The following RBMS3 variants were observed in gnomAD, a reference collection of about 807,000 sequenced individuals.
RBMS3 encodes RNA-binding motif, single-stranded-interacting protein 3.
A neutral mutation model predicts 66.8 loss-of-function variants in RBMS3; 27 were observed. That is an observed-to-expected ratio of 0.40 (90% CI 0.30 to 0.56). The LOEUF is 0.56. Ranked by LOEUF, RBMS3 falls within the 20% of genes least tolerant of loss-of-function variation. RBMS3 has a pLI of 0.40. For synonymous variants in RBMS3, 188 were observed against 183.0 expected, an observed-to-expected ratio of 1.03 and a Z score of -0.22; for missense variants, 513 against 549.5, an observed-to-expected ratio of 0.93 and a Z score of 0.66.
chr3:29,914,839 A>T (rs2060599302), intron 10 of RBMS3, among the ~76,000 whole-genome samples: 1 of 151,986 alleles, frequency 6.6e-6, no homozygotes, highest in South Asian at 2.1e-4. Flanking sequence ...ATCCATGAAA[A>T]GCTGTTTCAT....
intron 1 of RBMS3, among the ~76,000 whole-genome samples, chr3:29,433,174 A>G (rs1261272545): frequency 6.6e-6 from 1 of 151,856 alleles, no homozygotes; most frequent in East Asian, 1.9e-4. Flanking sequence ...CTCAGATTAT[A>G]TTATTCCTTA....
At chr3:29,550,475 G>A (rs1045625289) in intron 3 of RBMS3, among the ~76,000 whole-genome samples, 3 of 152,044 alleles carry the variant, frequency 2.0e-5, no homozygotes, top group Non-Finnish European at 2.9e-5. Flanking sequence ...AAATGATTTA[G>A]TGTAATAATA....
chr3:29,816,398 G>T (rs1239102832), intron 6 of RBMS3, among the ~76,000 whole-genome samples: 1 of 151,900 alleles, frequency 6.6e-6, no homozygotes, highest in African/African-American at 2.4e-5. Flanking sequence ...CTACATGCAG[G>T]TGAGCTGGGA....
intron 1 of RBMS3, among the ~76,000 whole-genome samples, chr3:29,299,755 A>G (rs1459941938): frequency 2.0e-5 from 3 of 151,942 alleles, no homozygotes; most frequent in South Asian, 2.1e-4. Flanking sequence ...ACCATGATAT[A>G]TAAGGAATCA....
At chr3:29,482,949 A>G (rs182709996) in intron 2 of RBMS3, among the ~76,000 whole-genome samples, 182 of 151,132 alleles carry the variant, frequency 1.2e-3, no homozygotes, top group African/African-American at 4.3e-3. Flanking sequence ...CTCGTGATCT[A>G]CCCACCTCGG....
At chr3:29,658,947 C>T (rs1308293879) in intron 4 of RBMS3, among the ~76,000 whole-genome samples, 1 of 152,098 alleles carries the variant, frequency 6.6e-6, no homozygotes, top group Non-Finnish European at 1.5e-5. Flanking sequence ...CTCAGCCTCC[C>T]GAGTAGCTGG....
rs1010602493 is a variant in RBMS3 at position 30,007,207 on chromosome 3, A to G, written c.*3345A>G. On this transcript the variant is annotated 3_prime_UTR_variant, in exon 15 of 15. Coordinates refer to ENST00000383767, the MANE Select transcript of RBMS3 (RefSeq NM_001003793.3). Reference sequence around the variant, plus strand: ...ATAAACCAAAATAAGTTTTCAATATATACAGACAACAGAATTCAAATTTAA... The same window carrying G: ...ATAAACCAAAATAAGTTTTCAATATGTACAGACAACAGAATTCAAATTTAA... 6.6e-6 allele frequency: 1 copy of G among 152,130 alleles called. No homozygotes were observed. Among genetic ancestry groups the G allele is most frequent in the African/African-American group, 2.4e-5 (1 of 41,448 alleles). 9.4% of individuals were successfully genotyped at this position (152,130 alleles called of 1,614,324 possible).
At chr3:29,822,611 A>G (rs1394603097) in intron 6 of RBMS3, among the ~76,000 whole-genome samples, 2 of 152,160 alleles carry the variant, frequency 1.3e-5, no homozygotes, top group South Asian at 2.1e-4. Flanking sequence ...AATGTATCCA[A>G]TGACAATTTA....
At chr3:29,782,711 G>T (rs2056680510) in intron 6 of RBMS3, among the ~76,000 whole-genome samples, 1 of 152,176 alleles carries the variant, frequency 6.6e-6, no homozygotes, top group Admixed American at 6.5e-5. Context: ...AAAGAATTCA[G>T]AAGGTTGATT....
At chr3:29,331,519 C>G (rs1436590933) in intron 1 of RBMS3, among the ~76,000 whole-genome samples, 1 of 152,118 alleles carries the variant, frequency 6.6e-6, no homozygotes, top group African/African-American at 2.4e-5. Context: ...TCCCAATTAT[C>G]CGGGGAGCAC....
At chr3:29,586,040 T>G (rs1353472335) in intron 3 of RBMS3, among the ~76,000 whole-genome samples, 6 of 152,110 alleles carry the variant, frequency 3.9e-5, no homozygotes, top group African/African-American at 1.4e-4. Context: ...ACAGTACACC[T>G]CCTTAGTAGG....
Position 29,899,710 on chromosome 3 carries a change from G to A in RBMS3, c.894G>A (p.Gln298=). The A allele has an allele frequency of 6.2e-7, 1 of 1,610,352 alleles. No individual in the cohort carries two copies. The highest frequency in any genetic ancestry group is 8.5e-7 in the Non-Finnish European group (1 of 1,177,890). Residue 298 remains glutamine, a synonymous_variant, in exon 10 of 15, where the codon CAG becomes CAA. Coordinates refer to ENST00000383767, the MANE Select transcript of RBMS3 (RefSeq NM_001003793.3). ...AAATGCTGTTTGATGCATAGGTCCA[G>A]AGTACTTCATGGATGCCTCATCCGC... ...AASPVSTYQV[Q]STSWMPHPPY...
intron 6 of RBMS3, among the ~76,000 whole-genome samples, chr3:29,852,003 C>T (rs1367873657): frequency 6.6e-6 from 1 of 152,122 alleles, no homozygotes; most frequent in East Asian, 1.9e-4. Flanking sequence ...TGGGACAGAA[C>T]AGAGTCCAGA....
chr3:29,820,143 C>T (rs924418324), intron 6 of RBMS3, among the ~76,000 whole-genome samples: 2 of 120,800 alleles, frequency 1.7e-5, no homozygotes, highest in East Asian at 2.6e-4. Flanking sequence ...GAGCTGAGAT[C>T]GAGACACTGC....
chr3:29,890,533 A>G (rs188818223), intron 8 of RBMS3, among the ~76,000 whole-genome samples: 1 of 151,642 alleles, frequency 6.6e-6, no homozygotes, highest in Non-Finnish European at 1.5e-5. Context: ...TTATTGTTCA[A>G]CGTTGCTTAA....
Position 29,327,413 on chromosome 3 carries a change from A to G in RBMS3, c.75+45657A>G, listed in dbSNP as rs141586858. Among the ~76,000 whole-genome samples, 50 of 152,302 alleles carry G rather than the reference A, an allele frequency of 3.3e-4. No homozygotes were observed. In the East Asian group the frequency reaches 9.1e-3, roughly 28 times the overall value. ...AGTTAAGGCTACCTCTATGTGATAG[A>G]CAGAGTGTTCTCCAAAAAATGCCCG... On this transcript the variant is annotated intron_variant, in intron 1 of 14. Transcript: ENST00000383767.
At chr3:29,718,068 T>C (rs945600682) in intron 4 of RBMS3, among the ~76,000 whole-genome samples, 2 of 152,274 alleles carry the variant, frequency 1.3e-5, no homozygotes, top group African/African-American at 4.8e-5. Flanking sequence ...TGGTTTCCTA[T>C]CTTTAGTATA....
chr3:29,846,552 T>G (rs2058781917), intron 6 of RBMS3, among the ~76,000 whole-genome samples: 1 of 152,192 alleles, frequency 6.6e-6, no homozygotes, highest in Non-Finnish European at 1.5e-5. Context: ...ACAATAATTT[T>G]AGTTTAGATT....
intron 3 of RBMS3, among the ~76,000 whole-genome samples, chr3:29,519,378 G>T (rs905503158): frequency 6.6e-6 from 1 of 152,194 alleles, no homozygotes; most frequent in African/African-American, 2.4e-5. Context: ...ACAGATGTGG[G>T]ATGCAAGGTG....
Sources: allele counts gnomAD v4.1 joint callset (sites outside exome capture counted in the v4.1 genomes callset), GRCh38; gene constraint gnomAD v4.1.1; transcripts MANE v1.5; gene names NCBI Gene and HGNC (gene_info 2026-07-23, HGNC 2026-07-21).